The following SETD1B variants were observed in gnomAD, a reference collection of about 807,000 sequenced individuals.
SETD1B encodes histone-lysine N-methyltransferase SETD1B.
Under a neutral mutation model 148.0 loss-of-function variants are expected in SETD1B, and 7 were observed. That is an observed-to-expected ratio of 0.05 (90% CI 0.03 to 0.09). The LOEUF is 0.09. SETD1B is among the 10% of genes least tolerant of loss of function. SETD1B has a pLI of 1.00. For synonymous variants in SETD1B, 1,361 were observed against 1,186.5 expected (o/e 1.15, Z -3.02); for missense variants, 2,155 against 2,729.9 (o/e 0.79, Z 4.69).
In SETD1B at chr12:121,808,307, A is replaced by T; in HGVS notation, c.644A>T (p.Asn215Ile). ...GELDAVSPIVNETLQLSDALK... is the reference protein window; with the variant it reads ...GELDAVSPIVIETLQLSDALK... The stretch of plus-strand genomic sequence containing the variant: ...CTGGACGCTGTCTCTCCAATCGTGA[A>T]TGAGACCCTGCAGGTGGGTTTATGG... Residue 215 changes from asparagine (N) to isoleucine (I), a missense_variant, in exon 5 of 17, where the codon AAT becomes ATT. Transcript: ENST00000604567. This position sits in a 1 kb window ranked among gnomAD's most constrained non-coding sequence, Gnocchi z 5.3. 6.5e-7 allele frequency: 1 copy of T among 1,545,190 alleles called. No individual in the cohort carries two copies. The highest frequency in any genetic ancestry group is 8.7e-7 in the Non-Finnish European group (1 of 1,143,428).
chr12:121,808,401 T>G lies in SETD1B; in HGVS notation c.657+81T>G. On this transcript the variant is annotated intron_variant, in intron 5 of 16. Transcript: ENST00000604567. The surrounding 1 kb of genome is among the most constrained non-coding windows in gnomAD (Gnocchi z 5.3). ...CTCTGGAAAGCCTCACCAACTCTCT[T>G]ATGGGACCCCCAGCCTACCCCCACC... The G allele has an allele frequency of 1.1e-6, 1 of 892,706 alleles. No individual in the cohort carries two copies. Among genetic ancestry groups the G allele is most frequent in the Non-Finnish European group, 1.7e-6 (1 of 572,064 alleles). 55.3% of individuals were successfully genotyped at this position (892,706 alleles called of 1,614,324 possible).
chr12:121,790,257 C>T, the SETD1B span, among the ~76,000 whole-genome samples: 1 of 152,260 alleles, frequency 6.6e-6, no homozygotes, highest in Non-Finnish European at 1.5e-5. Flanking sequence ...AGAGCCACCC[C>T]TGTCTCACAG....
Position 121,814,937 on chromosome 12 carries a change from G to A in SETD1B, c.2715+7G>A, listed in dbSNP as rs1259234789. On this transcript the variant is annotated splice_region_variant and intron_variant, in intron 7 of 16. Coordinates refer to ENST00000604567, the MANE Select transcript of SETD1B (RefSeq NM_001353345.2). ...GAAGGAGCGGATGGCCAAGGTGGGT[G>A]GGTGGGTGCAGGGCTCTGCAGGGTG... is the stretch of plus-strand genomic sequence containing the variant. 10 of 1,540,656 alleles carry A rather than the reference G, an allele frequency of 6.5e-6. No individual in the cohort carries two copies. The highest frequency in any genetic ancestry group is 8.8e-6 in the Non-Finnish European group (10 of 1,140,056).
the SETD1B span, chr12:121,793,259 G>C: frequency 3.9e-6 from 6 of 1,549,438 alleles, no homozygotes; most frequent in Non-Finnish European, 5.2e-6. Context: ...AGGGGGTCGG[G>C]TTGGTCCTTA....
chr12:121,821,807 C>T (rs1365573417), intron 11 of SETD1B, among the ~76,000 whole-genome samples: 2 of 152,072 alleles, frequency 1.3e-5, no homozygotes, highest in African/African-American at 2.4e-5. Flanking sequence ...ATTCTGTGGT[C>T]GGGCATGGTG....
At chr12:121,821,232 GAC>G (rs1235682970) in intron 11 of SETD1B, among the ~76,000 whole-genome samples, 2 of 152,092 alleles carry the variant, frequency 1.3e-5, no homozygotes, top group African/African-American at 4.8e-5. Flanking sequence ...GGACCAAACA[GAC>G]AAAAATATCT....
chr12:121,805,847 T>C lies in SETD1B; in HGVS notation c.286T>C (p.Tyr96His). 6.4e-7 allele frequency: 1 copy of C among 1,551,632 alleles called. No homozygotes were observed. The highest frequency in any genetic ancestry group is 8.7e-7 in the Non-Finnish European group (1 of 1,146,976). The change falls in exon 4 of 17, where the codon TAC becomes CAC. Residue 96 changes from tyrosine (Y) to histidine (H), a missense_variant. By Grantham distance (83) the Tyr-to-His change is moderately conservative. Around this residue, in one of 11 missense-constraint regions of SETD1B, gnomAD observed 124 missense variants for 282.9 expected, o/e 0.44. Coordinates refer to ENST00000604567, the MANE Select transcript of SETD1B (RefSeq NM_001353345.2). The surrounding 1 kb of genome is among the most constrained non-coding windows in gnomAD (Gnocchi z 4.2). The stretch of plus-strand genomic sequence containing the variant: ...CGGCCCCTGCCAGATCGATGAGTTC[T>C]ACGTGGGCCCGGTGCCTCCGAAGCA... ...SVPKFKIDEF[Y>H]VGPVPPKQVT...
chr12:121,809,538 G>T, intron 5 of SETD1B, 65 bp from the exon 6 acceptor site: 1 of 1,462,246 alleles, frequency 6.8e-7, no homozygotes. Context: ...AGAGTGAGAA[G>T]GGAAAATAGC....
Position 121,817,985 on chromosome 12 carries a change from AC to A in SETD1B, c.3418+82del. 3.7e-6 allele frequency: 5 copies of A among 1,355,616 alleles called. No individual in the cohort carries two copies. In the South Asian group the frequency reaches 7.5e-5, roughly 20 times the overall value. The allele number at this position is 1,355,616 out of a possible 1,614,324, so 84.0% of individuals were successfully genotyped here. ...CAGAGCCTGAGCAATTGTCAGAAATACTTCTGAGCCAAAATGTTGTGCTTTT... is the reference window on the plus strand; with the variant it reads ...CAGAGCCTGAGCAATTGTCAGAAATATTCTGAGCCAAAATGTTGTGCTTTT... On this transcript the variant is annotated intron_variant, in intron 10 of 16. Coordinates refer to ENST00000604567, the MANE Select transcript of SETD1B (RefSeq NM_001353345.2). This position sits in a 1 kb window ranked among gnomAD's most constrained non-coding sequence, Gnocchi z 8.1.
At chr12:121,797,059 A>T in the SETD1B span, among the ~76,000 whole-genome samples, 1 of 151,230 alleles carries the variant, frequency 6.6e-6, no homozygotes, top group Non-Finnish European at 1.5e-5. Context: ...TTATTGCTGG[A>T]CCTGCTCCTC....
chr12:121,799,736 T>TGGGGGG (rs1459030938), upstream of SETD1B: 1 of 30,958 alleles, frequency 3.2e-5, no homozygotes, highest in Non-Finnish European at 6.9e-5. Context: ...GGGGGTGGGG[T>TGGGGGG]GGGGCGGGGC....
chr12:121,791,571 A>G, the SETD1B span, among the ~76,000 whole-genome samples: 7 of 152,288 alleles, frequency 4.6e-5, no homozygotes, highest in African/African-American at 1.7e-4. Flanking sequence ...ATGCTCCTCC[A>G]TCCCTCTGGT....
At position 121,808,663 on chromosome 12, in the gene SETD1B, G is replaced by A. The variant is rs758196506; in HGVS notation, c.657+343G>A. ...GATGCCAAACATTGCTGTTTCCGGG[G>A]TCCTTAGTGTCTGGTGTCCTGGGCA... On this transcript the variant is annotated intron_variant, in intron 5 of 16. Coordinates refer to ENST00000604567, the MANE Select transcript of SETD1B (RefSeq NM_001353345.2). This position sits in a 1 kb window ranked among gnomAD's most constrained non-coding sequence, Gnocchi z 5.3. Among the ~76,000 whole-genome samples, 7 of 152,186 alleles carry A rather than the reference G, an allele frequency of 4.6e-5. No homozygotes were observed. Among genetic ancestry groups the A allele is most frequent in the Non-Finnish European group, 7.3e-5 (5 of 68,036 alleles).
chr12:121,820,216 C>T (rs774363807), intron 11 of SETD1B, among the ~76,000 whole-genome samples: 3 of 152,232 alleles, frequency 2.0e-5, no homozygotes, highest in Non-Finnish European at 4.4e-5. Context: ...TGTCCATGGT[C>T]ACTTGAGTGA....
In SETD1B at chr12:121,810,978, A is replaced by T; in HGVS notation, c.1890+143A>T. 1.8e-6 allele frequency: 2 copies of T among 1,123,880 alleles called. No individual in the cohort carries two copies. The highest frequency in any genetic ancestry group is 2.4e-6 in the Non-Finnish European group (2 of 823,374). 69.6% of individuals were successfully genotyped at this position (1,123,880 alleles called of 1,614,324 possible). On this transcript the variant is annotated intron_variant, in intron 6 of 16. Transcript: ENST00000604567. This position sits in a 1 kb window ranked among gnomAD's most constrained non-coding sequence, Gnocchi z 7.6. The stretch of plus-strand genomic sequence containing the variant: ...CCAATATAACAGGTGGAACTTACAG[A>T]ATAAAAAGGGGATGCAGAAAACACC...
intron 11 of SETD1B, among the ~76,000 whole-genome samples, chr12:121,820,314 G>A (rs1330054446): frequency 6.6e-6 from 1 of 152,226 alleles, no homozygotes; most frequent in Admixed American, 6.5e-5. Context: ...GCTGCACAGA[G>A]CATATGAGAA....
intron 6 of SETD1B, among the ~76,000 whole-genome samples, chr12:121,813,372 C>T (rs1876133305): frequency 6.6e-6 from 1 of 152,234 alleles, no homozygotes. Context: ...ACCCCCGCTC[C>T]AATGTCACCT....
At position 121,814,263 on chromosome 12, in the gene SETD1B, C is replaced by T. The variant is rs1330809406; in HGVS notation, c.2048C>T (p.Pro683Leu). The change falls in exon 7 of 17, where the codon CCG becomes CTG. Residue 683 changes from proline to leucine, a missense_variant. By Grantham distance (98) the Pro-to-Leu change is moderately conservative. This residue lies in a region of SETD1B where 295 missense variants were observed against 303.8 expected (regional missense o/e 0.97). Coordinates refer to ENST00000604567, the MANE Select transcript of SETD1B (RefSeq NM_001353345.2). The part of the protein sequence containing the change: ...SVLAPTLPLP[P>L]PPGFPPLPPP... ...CTAGCCCCAACCCTGCCGCTGCCCC[C>T]GCCACCTGGCTTCCCCCCGCTGCCC... 15 of 1,479,258 alleles carry T rather than the reference C, an allele frequency of 1.0e-5. No homozygotes were observed. Among genetic ancestry groups the T allele is most frequent in the East Asian group, 2.6e-5 (1 of 38,654 alleles). 91.6% of individuals were successfully genotyped at this position (1,479,258 alleles called of 1,614,324 possible). A position where few individuals can be genotyped will look rare whatever the true frequency, so the allele number is the denominator to read the frequency against.
rs557334621 is a variant in SETD1B, at chr12:121,805,825, C to T, written c.274-10C>T. The T allele has an allele frequency of 1.3e-6, 2 of 1,550,492 alleles. No individual in the cohort carries two copies. The highest frequency in any genetic ancestry group is 1.2e-5 in the South Asian group (1 of 83,956). On this transcript the variant is annotated splice_polypyrimidine_tract_variant and intron_variant, in intron 3 of 16. Coordinates refer to ENST00000604567, the MANE Select transcript of SETD1B (RefSeq NM_001353345.2). This position sits in a 1 kb window ranked among gnomAD's most constrained non-coding sequence, Gnocchi z 4.2. Reference sequence around the variant, plus strand: ...TTCTTCAAACTCCCTTCCCCCTCGGCCCCTGCCAGATCGATGAGTTCTACG... The same window carrying T: ...TTCTTCAAACTCCCTTCCCCCTCGGTCCCTGCCAGATCGATGAGTTCTACG...
Sources: gnomAD v4.1 joint callset for allele counts (sites outside exome capture counted in the v4.1 genomes callset) on GRCh38, gnomAD v4.1.1 for gene constraint, gnomAD v4.1.1 regional missense constraint, Gnocchi (gnomAD v3.1) non-coding constraint, MANE v1.5 for transcripts, NCBI Gene and HGNC (gene_info 2026-07-23, HGNC 2026-07-21) for gene names.